CACNA1G: variants seen among roughly 807,000 people sequenced by gnomAD.
CACNA1G encodes calcium voltage-gated channel subunit alpha1 G.
Under a neutral mutation model 219.4 loss-of-function variants are expected in CACNA1G, and 67 were observed. The ratio of observed to expected loss-of-function variants is 0.31; its 90% CI spans 0.25 to 0.37. The LOEUF (loss-of-function observed/expected upper bound fraction) is 0.37, where lower values mean the gene tolerates loss of function less well. CACNA1G is among the 10% of genes least tolerant of loss of function. The probability of loss-of-function intolerance (pLI) is 1.00; values close to 1 mark genes in which losing one functional copy is unlikely to be tolerated. For missense variants in CACNA1G, 2,380 were observed against 3,231.4 expected, an observed-to-expected ratio of 0.74 and a Z score of 6.39; for synonymous variants, 1,296 against 1,345.3, an observed-to-expected ratio of 0.96 and a Z score of 0.80.
At position 50,621,607 on chromosome 17, in the gene CACNA1G, C is replaced by T. The variant is rs1050668723; in HGVS notation, c.5926-53C>T. On this transcript the variant is annotated intron_variant, in intron 34 of 37. Transcript: ENST00000359106. This position sits in a 1 kb window ranked among gnomAD's most constrained non-coding sequence, Gnocchi z 4.6. ...GAGAGCGCGTGTGTGCGTGTGCACGCGCGTGTGCGCTGTCCTGGTTTCTCA... is the reference window on the plus strand; with the variant it reads ...GAGAGCGCGTGTGTGCGTGTGCACGTGCGTGTGCGCTGTCCTGGTTTCTCA... 26 of 1,595,674 alleles carry T rather than the reference C, an allele frequency of 1.6e-5. No homozygotes were observed. Among genetic ancestry groups the T allele is most frequent in the South Asian group, 2.2e-5 (2 of 89,894 alleles).
chr17:50,619,217 G>T (rs1460689899), intron 33 of CACNA1G, among the ~76,000 whole-genome samples: 1 of 152,182 alleles, frequency 6.6e-6, no homozygotes, highest in Admixed American at 6.5e-5. Context: ...CAGCAGACGG[G>T]CCAGCTTAGC....
In CACNA1G at chr17:50,578,175, T is replaced by C. The variant is rs780615345; in HGVS notation, c.1925-13T>C. ...AGACTCTGGAGCCTCTCACCTCTAC[T>C]CTCCTGTTCCAGGTGCCTGCCAAAG... On this transcript the variant is annotated splice_polypyrimidine_tract_variant and intron_variant, in intron 8 of 37. Transcript: ENST00000359106. This position sits in a 1 kb window ranked among gnomAD's most constrained non-coding sequence, Gnocchi z 4.5. The C allele has an allele frequency of 3.9e-6, 6 of 1,545,594 alleles. No homozygotes were observed. Among genetic ancestry groups the C allele is most frequent in the Non-Finnish European group, 5.2e-6 (6 of 1,145,886 alleles).
rs1180262039 is a variant in CACNA1G, at chr17:50,606,014, C to T, written c.4413C>T (p.Asn1471=). Residue 1471 remains asparagine, a synonymous_variant, in exon 23 of 38, where the codon AAC becomes AAT. Coordinates refer to ENST00000359106, the MANE Select transcript of CACNA1G (RefSeq NM_018896.5). The part of the protein sequence containing the change: ...RWVRHKYNFD[N]LGQALMSLFV... ...TCCGGCACAAGTACAACTTTGACAA[C>T]CTTGGCCAGGTGAGCCCCAGGCTCA... is the stretch of plus-strand genomic sequence containing the variant. The T allele has an allele frequency of 6.2e-7, 1 of 1,613,792 alleles. No individual in the cohort carries two copies. Among genetic ancestry groups the T allele is most frequent in the Non-Finnish European group, 8.5e-7 (1 of 1,179,876 alleles).
rs1287995847 is a variant in CACNA1G, at chr17:50,561,435, G to C, written c.-25G>C. 1 of 1,533,446 alleles carries C rather than the reference G, an allele frequency of 6.5e-7. No individual in the cohort carries two copies. Among genetic ancestry groups the C allele is most frequent in the Non-Finnish European group, 8.7e-7 (1 of 1,146,470 alleles). 95.0% of individuals were successfully genotyped at this position (1,533,446 alleles called of 1,614,324 possible). The stretch of plus-strand genomic sequence containing the variant: ...GGCGCCGCTTGCCCCTCTCCGGATC[G>C]CCCGGGGCCCCGGCTGGCCAGAGGA... On this transcript the variant is annotated 5_prime_UTR_variant, in exon 1 of 38. Transcript: ENST00000359106.
intron 26 of CACNA1G, among the ~76,000 whole-genome samples, chr17:50,610,405 G>A (rs1428287034): frequency 1.3e-5 from 2 of 152,226 alleles, no homozygotes; most frequent in Admixed American, 1.3e-4. Context: ...AAGTGATCAC[G>A]GTGGCTGCGT....
chr17:50,590,887 C>T (rs1159235684), intron 10 of CACNA1G, among the ~76,000 whole-genome samples: 1 of 152,188 alleles, frequency 6.6e-6, no homozygotes, highest in African/African-American at 2.4e-5. Flanking sequence ...CCTCTCTCCA[C>T]TTCTACCTCT....
In CACNA1G at chr17:50,572,048, G is replaced by T; in HGVS notation, c.746+11G>T. On this transcript the variant is annotated intron_variant, in intron 5 of 37. Transcript: ENST00000359106. ...TGAGAATTTCAGCCTGTGAGTGGTG[G>T]ACAGGGTCCAGGGAGGACCTGGGAG... 1 of 1,612,966 alleles carries T rather than the reference G, an allele frequency of 6.2e-7. No individual in the cohort carries two copies. Among genetic ancestry groups the T allele is most frequent in the South Asian group, 1.1e-5 (1 of 91,008 alleles).
At chr17:50,620,100 A>G (rs2051450320) in intron 34 of CACNA1G, among the ~76,000 whole-genome samples, 1 of 151,804 alleles carries the variant, frequency 6.6e-6, no homozygotes, top group Non-Finnish European at 1.5e-5. Context: ...GGGGATTTGT[A>G]AGAATCTGGA....
Position 50,596,845 on chromosome 17 carries a change from G to A in CACNA1G, c.3180G>A (p.Glu1060=). Residue 1060 remains glutamate, a synonymous_variant, in exon 16 of 38, where the codon GAG becomes GAA. Coordinates refer to ENST00000359106, the MANE Select transcript of CACNA1G (RefSeq NM_018896.5). This position sits in a 1 kb window ranked among gnomAD's most constrained non-coding sequence, Gnocchi z 4.8. The part of the protein sequence containing the change: ...LPKSTSTGLG[E]ALGPASRRTS... ...AGAGCACCAGCACGGGCCTGGGCGA[G>A]GCGCTGGGCCCTGCGTCGCGCCGCA... The A allele has an allele frequency of 6.2e-7, 1 of 1,605,138 alleles. No individual in the cohort carries two copies. The highest frequency in any genetic ancestry group is 8.5e-7 in the Non-Finnish European group (1 of 1,176,914).
At chr17:50,599,384 T>C (rs1414695468) in intron 16 of CACNA1G, 44 bp from the exon 17 acceptor site, 1 of 1,478,502 alleles carries the variant, frequency 6.8e-7, no homozygotes, top group East Asian at 2.5e-5. Context: ...AGGACAGGGC[T>C]GCTGGGCCCT....
In CACNA1G at chr17:50,609,896, G is replaced by C. The variant is rs368939625; in HGVS notation, c.4720G>C (p.Asp1574His). The change falls in exon 26 of 38, where the codon GAT becomes CAT. Residue 1574 changes from aspartate (D) to histidine (H), a missense_variant. Asp to His is a moderately conservative substitution (Grantham distance 81, BLOSUM62 -1). This residue lies in a region of CACNA1G where 58 missense variants were observed against 71.3 expected (regional missense o/e 0.81). Coordinates refer to ENST00000359106, the MANE Select transcript of CACNA1G (RefSeq NM_018896.5). ...CGTTCTTTTAGATCTAATGCTGGAC[G>C]ATGTAATTGCTTCCGGCAGCTCAGC... ...EKKRRNLMLD[D>H]VIASGSSASA... The C allele has an allele frequency of 3.5e-5, 56 of 1,611,612 alleles. No homozygotes were observed. Among genetic ancestry groups the C allele is most frequent in the Non-Finnish European group, 4.5e-5 (53 of 1,179,798 alleles).
Position 50,602,806 on chromosome 17 carries a change from C to G in CACNA1G, c.3916-14C>G. On this transcript the variant is annotated splice_polypyrimidine_tract_variant and intron_variant, in intron 19 of 37. Coordinates refer to ENST00000359106, the MANE Select transcript of CACNA1G (RefSeq NM_018896.5). ...GCTTCCTGGCGGGCAACCCCTGCCT[C>G]CCCTCTCTTGCAGGAACGCATCTTC... The G allele has an allele frequency of 6.2e-7, 1 of 1,613,236 alleles. No homozygotes were observed. Among genetic ancestry groups the G allele is most frequent in the Non-Finnish European group, 8.5e-7 (1 of 1,179,530 alleles).
chr17:50,626,112 G>C lies in CACNA1G; in HGVS notation c.6495G>C (p.Arg2165=), dbSNP rs1424448465. 1.2e-6 allele frequency: 2 copies of C among 1,613,656 alleles called. No homozygotes were observed. Among genetic ancestry groups the C allele is most frequent in the Admixed American group, 1.7e-5 (1 of 60,004 alleles). The change falls in exon 38 of 38, where the codon CGG becomes CGC. Residue 2165 remains arginine (R), a synonymous_variant. Coordinates refer to ENST00000359106, the MANE Select transcript of CACNA1G (RefSeq NM_018896.5). The surrounding 1 kb of genome is among the most constrained non-coding windows in gnomAD (Gnocchi z 4.3). ...GTGGGCCCTCCCCGCCCCTGGCCCGGGCCTACTCTTTCTGGGGCCAGTCAA... is the reference window on the plus strand; with the variant it reads ...GTGGGCCCTCCCCGCCCCTGGCCCGCGCCTACTCTTTCTGGGGCCAGTCAA... ...EVSGPSPPLA[R]AYSFWGQSST...
intron 9 of CACNA1G, among the ~76,000 whole-genome samples, chr17:50,587,637 A>G (rs2043251147): frequency 1.3e-5 from 2 of 152,226 alleles, no homozygotes; most frequent in Admixed American, 1.3e-4. Context: ...TAAGTGTTGC[A>G]GGGAGACTAG....
intron 35 of CACNA1G, among the ~76,000 whole-genome samples, chr17:50,622,032 G>A (rs2052241825): frequency 6.6e-6 from 1 of 152,220 alleles, no homozygotes; most frequent in Non-Finnish European, 1.5e-5. Context: ...TTGCCCTGAA[G>A]GGTATAGGAG....
At chr17:50,585,997 G>A (rs1407993806) in intron 9 of CACNA1G, among the ~76,000 whole-genome samples, 4 of 152,272 alleles carry the variant, frequency 2.6e-5, no homozygotes, top group East Asian at 1.9e-4. Flanking sequence ...GGCAGAGCAC[G>A]AGTGACTGGT....
Position 50,575,855 on chromosome 17 carries a change from T to A in CACNA1G, c.1453T>A (p.Ser485Thr). The change falls in exon 8 of 38, where the codon TCC becomes ACC. Residue 485 changes from serine to threonine, a missense_variant. This residue lies in a region of CACNA1G where 434 missense variants were observed against 417.3 expected (regional missense o/e 1.04). Transcript: ENST00000359106. ...CCAGCCCAGCAGCAGCTGCTCTCGC[T>A]CCCACCGCCGCCTATCCGTCCACCA... ...ETQPSSSCSR[S>T]HRRLSVHHLV... The A allele has an allele frequency of 4.5e-6, 7 of 1,549,418 alleles. No homozygotes were observed. The highest frequency in any genetic ancestry group is 6.1e-6 in the Non-Finnish European group (7 of 1,147,506).
At chr17:50,583,916 C>A (rs980418766) in intron 9 of CACNA1G, among the ~76,000 whole-genome samples, 5 of 151,922 alleles carry the variant, frequency 3.3e-5, no homozygotes, top group Admixed American at 6.6e-5. Flanking sequence ...AAAGAGGGCC[C>A]CAAGTAAGGC....
intron 10 of CACNA1G, among the ~76,000 whole-genome samples, 186 bp downstream of exon 10, chr17:50,590,808 CTCT>C (rs2044149700): frequency 1.3e-5 from 2 of 152,170 alleles, no homozygotes; most frequent in Non-Finnish European, 2.9e-5. Context: ...CTCCATCTCT[CTCT>C]TGGCCCCACC....
Sources: allele counts gnomAD v4.1 joint callset (sites outside exome capture counted in the v4.1 genomes callset), GRCh38; gene constraint gnomAD v4.1.1; regional missense constraint gnomAD v4.1.1; non-coding constraint Gnocchi (gnomAD v3.1); transcripts MANE v1.5; gene names NCBI Gene and HGNC (gene_info 2026-07-23, HGNC 2026-07-21).